SLC9A9: variants seen among roughly 807,000 people sequenced by gnomAD.
The protein encoded by SLC9A9 is solute carrier family 9 member A9.
Under a neutral mutation model 77.8 loss-of-function variants are expected in SLC9A9, and 62 were observed. That is an observed-to-expected ratio of 0.80 (90% CI 0.65 to 0.98). SLC9A9 has a LOEUF of 0.98. Among genes scored for constraint, SLC9A9 ranks in the 50% least tolerant of loss-of-function variants. The pLI, the probability that SLC9A9 is intolerant of heterozygous loss-of-function variation, is 0.00. For missense variants in SLC9A9, 775 were observed against 774.9 expected, an observed-to-expected ratio of 1.00 and a Z score of 0.00; for synonymous variants, 320 against 283.5, an observed-to-expected ratio of 1.13 and a Z score of -1.29.
chr3:143,523,146 T>TAAA lies in SLC9A9; in HGVS notation c.1090-27701_1090-27699dup, dbSNP rs1296983951. On this transcript the variant is annotated intron_variant, in intron 9 of 15. Transcript: ENST00000316549. The stretch of plus-strand genomic sequence containing the variant: ...GAGCTTTAGCACCTCCAGAATCATA[T>TAAA]AAAAATTCCTAGTCCATTTGTCTTG... Among the ~76,000 whole-genome samples, 4 of 152,294 alleles carry TAAA rather than the reference T, an allele frequency of 2.6e-5. No individual in the cohort carries two copies. In the East Asian group the frequency reaches 5.8e-4, roughly 22 times the overall value.
At chr3:143,325,832 A>C (rs975740088) in intron 14 of SLC9A9, among the ~76,000 whole-genome samples, 1 of 152,232 alleles carries the variant, frequency 6.6e-6, no homozygotes, top group African/African-American at 2.4e-5. Flanking sequence ...CTCTAGGATC[A>C]GCTCAGGGCA....
intron 4 of SLC9A9, among the ~76,000 whole-genome samples, chr3:143,754,428 A>C (rs2006856343): frequency 6.6e-6 from 1 of 152,164 alleles, no homozygotes; most frequent in African/African-American, 2.4e-5. Context: ...AAGCTCCCAA[A>C]CACGATTATT....
chr3:143,623,371 A>T (rs1321788659), intron 6 of SLC9A9, among the ~76,000 whole-genome samples: 3 of 152,038 alleles, frequency 2.0e-5, no homozygotes, highest in Non-Finnish European at 4.4e-5. Flanking sequence ...GAAGTAAAGC[A>T]CTCCTCAGCA....
At chr3:143,572,775 T>C (rs1043736173) in intron 8 of SLC9A9, among the ~76,000 whole-genome samples, 1 of 152,196 alleles carries the variant, frequency 6.6e-6, no homozygotes, top group Non-Finnish European at 1.5e-5. Context: ...GCTTGGACTG[T>C]GTGGTTCTGC....
chr3:143,794,442 C>T (rs1225534200), intron 4 of SLC9A9, among the ~76,000 whole-genome samples: 4 of 151,614 alleles, frequency 2.6e-5, no homozygotes, highest in South Asian at 2.1e-4. Context: ...GAGTATATAA[C>T]GTGTGACTTA....
intron 12 of SLC9A9, among the ~76,000 whole-genome samples, chr3:143,434,306 A>C (rs1478379602): frequency 6.6e-6 from 1 of 152,174 alleles, no homozygotes; most frequent in African/African-American, 2.4e-5. Context: ...ATATAATGTA[A>C]CTGCTTCATA....
chr3:143,764,031 A>C (rs1349001), intron 4 of SLC9A9, among the ~76,000 whole-genome samples: 62,442 of 151,912 alleles, frequency 0.41, 13,453 homozygotes, highest in African/African-American at 0.52. Context: ...TACAGGGATA[A>C]CTGGGTTCTT....
intron 8 of SLC9A9, among the ~76,000 whole-genome samples, chr3:143,555,772 T>C (rs903642969): frequency 1.3e-5 from 2 of 152,226 alleles, no homozygotes; most frequent in Admixed American, 6.5e-5. Context: ...TTGGTTATCA[T>C]TTCCTTGCCT....
chr3:143,450,567 C>A (rs9289663), intron 12 of SLC9A9, among the ~76,000 whole-genome samples: 72,802 of 150,666 alleles, frequency 0.48, 17,991 homozygotes, highest in Middle Eastern at 0.6. Flanking sequence ...ATTATTTTAC[C>A]CTCATAAAAA....
At chr3:143,595,215 G>A (rs556434949) in intron 6 of SLC9A9, among the ~76,000 whole-genome samples, 1 of 152,318 alleles carries the variant, frequency 6.6e-6, no homozygotes, top group South Asian at 2.1e-4. Flanking sequence ...GGCCCTCTTT[G>A]CTGAGCTGTT....
At chr3:143,300,991 T>C (rs6794548) in intron 14 of SLC9A9, among the ~76,000 whole-genome samples, 2 of 152,008 alleles carry the variant, frequency 1.3e-5, no homozygotes, top group East Asian at 1.9e-4. Flanking sequence ...TCAGGAAGCT[T>C]TGTGGTCCAG....
At chr3:143,438,003 T>C (rs1190679224) in intron 12 of SLC9A9, among the ~76,000 whole-genome samples, 1 of 152,170 alleles carries the variant, frequency 6.6e-6, no homozygotes, top group Non-Finnish European at 1.5e-5. Context: ...GAATCCTTCA[T>C]TTTTACTAAA....
chr3:143,521,377 T>A (rs74939393), intron 9 of SLC9A9, among the ~76,000 whole-genome samples: 2,067 of 152,244 alleles, frequency 0.014, 44 homozygotes, highest in African/African-American at 0.046. Context: ...GGATGCTGGT[T>A]ATACAGTTGA....
At chr3:143,436,138 G>A (rs1159120381) in intron 12 of SLC9A9, among the ~76,000 whole-genome samples, 4 of 152,078 alleles carry the variant, frequency 2.6e-5, no homozygotes, top group East Asian at 1.9e-4. Flanking sequence ...GTACCTGTCC[G>A]GACATCAGGG....
chr3:143,555,116 ATCATGGGGGAAGCTTCCC>A (rs1480968501), intron 8 of SLC9A9, among the ~76,000 whole-genome samples: 5 of 152,182 alleles, frequency 3.3e-5, no homozygotes, highest in Admixed American at 3.3e-4. Context: ...AGATAATTGA[ATCATGGGGGAAGCTTCCC>A]TCATACTGTT....
intron 4 of SLC9A9, among the ~76,000 whole-genome samples, chr3:143,709,442 T>C (rs1011609689): frequency 1.8e-4 from 27 of 152,132 alleles, no homozygotes; most frequent in African/African-American, 6.0e-4. Context: ...CCATTTCTAA[T>C]AAGGTTCCAG....
rs781715944 is a variant in SLC9A9, at chr3:143,266,953, T to C, written c.1711-24A>G. 1.4e-5 allele frequency: 22 copies of C among 1,608,248 alleles called. No individual in the cohort carries two copies. The South Asian group carries it at 2.4e-4, about 18-fold the overall frequency. On this transcript the variant is annotated intron_variant, in intron 15 of 15. Coordinates refer to ENST00000316549, the MANE Select transcript of SLC9A9 (RefSeq NM_173653.4). ...TCCTGGTTGGGAAAAGAGAGAGAGG[T>C]GTCACTTCATGATGAAGGCAGAAAA...
intron 8 of SLC9A9, among the ~76,000 whole-genome samples, chr3:143,570,806 A>G (rs2108654837): frequency 6.6e-6 from 1 of 152,274 alleles, no homozygotes; most frequent in African/African-American, 2.4e-5. Context: ...AATTATATAT[A>G]TATAGTTAGC....
Position 143,597,261 on chromosome 3 carries a change from ACT to A in SLC9A9, c.756-18540_756-18539del, listed in dbSNP as rs1030125962. ...TGTAAAAGGTATAACTGTCCTGCTG[ACT>A]CTGTGCACGGGGCTTAGCTCTTGGG... On this transcript the variant is annotated intron_variant, in intron 6 of 15. Transcript: ENST00000316549. Among the ~76,000 whole-genome samples, 32 of 151,322 alleles carry A rather than the reference ACT, an allele frequency of 2.1e-4. 1 individual carries two copies. Among genetic ancestry groups the A allele is most frequent in the South Asian group, 8.4e-4 (4 of 4,746 alleles).
Sources: allele counts gnomAD v4.1 joint callset (sites outside exome capture counted in the v4.1 genomes callset), GRCh38; gene constraint gnomAD v4.1.1; transcripts MANE v1.5; gene names NCBI Gene and HGNC (gene_info 2026-07-23, HGNC 2026-07-21).